EXOC6B: variants seen among roughly 807,000 people sequenced by gnomAD.
EXOC6B encodes exocyst complex component 6B.
EXOC6B carries 54 observed loss-of-function variants against 113.5 expected under a neutral mutation model. That is an observed-to-expected ratio of 0.48 (90% CI 0.38 to 0.60). The LOEUF is 0.60. Ranked by LOEUF, EXOC6B falls within the 20% of genes least tolerant of loss-of-function variation. EXOC6B has a pLI of 0.00. For missense variants in EXOC6B, 797 were observed against 977.5 expected (o/e 0.82, Z 2.46); for synonymous variants, 357 against 339.0 (o/e 1.05, Z -0.58).
chr2:72,540,145 A>C (rs990717799), intron 8 of EXOC6B, among the ~76,000 whole-genome samples: 2 of 151,808 alleles, frequency 1.3e-5, no homozygotes, highest in Non-Finnish European at 2.9e-5. Context: ...TTATGGCTGC[A>C]TAGTATTCCA....
intron 6 of EXOC6B, among the ~76,000 whole-genome samples, chr2:72,622,024 G>C (rs910861403): frequency 1.3e-5 from 2 of 151,440 alleles, no homozygotes; most frequent in Admixed American, 6.6e-5. Flanking sequence ...AATAAGTGAG[G>C]AAAGAAATAA....
intron 6 of EXOC6B, among the ~76,000 whole-genome samples, chr2:72,706,617 T>G (rs1199950596): frequency 6.6e-6 from 1 of 152,190 alleles, no homozygotes; most frequent in Admixed American, 6.5e-5. Flanking sequence ...TGGGTAACTA[T>G]CATCAGCTGA....
intron 20 of EXOC6B, among the ~76,000 whole-genome samples, chr2:72,239,350 T>C (rs1682163608): frequency 6.6e-6 from 1 of 152,184 alleles, no homozygotes; most frequent in Non-Finnish European, 1.5e-5. Flanking sequence ...TTGAGTTAAT[T>C]TTTGTGTGGT....
chr2:72,294,637 T>A (rs10186512), intron 20 of EXOC6B, among the ~76,000 whole-genome samples: 3,604 of 152,230 alleles, frequency 0.024, 152 homozygotes, highest in African/African-American at 0.082. Flanking sequence ...GGATTCTTGG[T>A]CTTGTTTTCT....
chr2:72,688,718 GTCCACCATGA>G (rs1223896110), intron 6 of EXOC6B, among the ~76,000 whole-genome samples: 1 of 152,162 alleles, frequency 6.6e-6, no homozygotes, highest in Non-Finnish European at 1.5e-5. Context: ...CATCTGCTAC[GTCCACCATGA>G]TAACTGAGCT....
intron 6 of EXOC6B, among the ~76,000 whole-genome samples, chr2:72,617,324 C>T (rs1335150943): frequency 6.6e-6 from 1 of 152,074 alleles, no homozygotes; most frequent in Non-Finnish European, 1.5e-5. Context: ...CCTTTTCTCA[C>T]AGCTCCACTA....
intron 18 of EXOC6B, among the ~76,000 whole-genome samples, chr2:72,393,444 A>G (rs1449254769): frequency 1.3e-5 from 2 of 151,952 alleles, no homozygotes; most frequent in Non-Finnish European, 2.9e-5. Flanking sequence ...CCTCTTTGGT[A>G]TCCTGCTTAT....
intron 8 of EXOC6B, among the ~76,000 whole-genome samples, chr2:72,527,807 C>T (rs1340854651): frequency 3.3e-5 from 5 of 151,918 alleles, no homozygotes; most frequent in Admixed American, 2.6e-4. Context: ...TGCTTATATG[C>T]TATCAGTATA....
At chr2:72,316,682 G>A (rs1034803271) in intron 20 of EXOC6B, among the ~76,000 whole-genome samples, 9 of 152,138 alleles carry the variant, frequency 5.9e-5, no homozygotes, top group African/African-American at 9.7e-5. Flanking sequence ...ACCCACTGAG[G>A]GATGGGGAAT....
rs1000703665 is a variant in EXOC6B at position 72,431,400 on chromosome 2, C to G, written c.1980+33760G>C. On this transcript the variant is annotated intron_variant, in intron 18 of 21. Coordinates refer to ENST00000272427, the MANE Select transcript of EXOC6B (RefSeq NM_015189.3). ...AATCACAGCTCACTGCAGCTTTGAACTCTTGGGCTAAAGCAATCTTCCTGT... is the reference window on the plus strand; with the variant it reads ...AATCACAGCTCACTGCAGCTTTGAAGTCTTGGGCTAAAGCAATCTTCCTGT... 4.6e-5 allele frequency among the ~76,000 whole-genome samples: 7 copies of G among 152,084 alleles called. No individual in the cohort carries two copies. In the East Asian group the frequency reaches 1.3e-3, roughly 29 times the overall value.
chr2:72,641,558 G>A (rs935494943), intron 6 of EXOC6B, among the ~76,000 whole-genome samples: 12 of 152,242 alleles, frequency 7.9e-5, no homozygotes, highest in African/African-American at 2.7e-4. Flanking sequence ...AAAGCAGCCA[G>A]GGAAGCTCAA....
intron 8 of EXOC6B, among the ~76,000 whole-genome samples, chr2:72,529,179 G>C (rs190100526): frequency 9.2e-5 from 14 of 152,176 alleles, no homozygotes; most frequent in African/African-American, 3.4e-4. Flanking sequence ...GCTAGCTACG[G>C]GGTTTTGGCA....
At chr2:72,407,254 A>G (rs572332479) in intron 18 of EXOC6B, among the ~76,000 whole-genome samples, 20 of 152,334 alleles carry the variant, frequency 1.3e-4, no homozygotes, top group Non-Finnish European at 2.6e-4. Context: ...GTCCAGGACC[A>G]GAAGGATTCA....
intron 8 of EXOC6B, among the ~76,000 whole-genome samples, chr2:72,528,408 T>G (rs1701838249): frequency 6.6e-6 from 1 of 152,114 alleles, no homozygotes; most frequent in South Asian, 2.1e-4. Context: ...CAGTCTAGAC[T>G]CTGCCAATAC....
At chr2:72,722,058 T>C (rs1281212413) in intron 5 of EXOC6B, 1 of 147,914 alleles carries the variant, frequency 6.8e-6, no homozygotes, top group East Asian at 2.0e-4. Context: ...TTCAAAATTA[T>C]AAATACTTAC....
intron 20 of EXOC6B, among the ~76,000 whole-genome samples, chr2:72,279,191 T>C (rs1684977052): frequency 6.6e-6 from 1 of 152,230 alleles, no homozygotes; most frequent in Non-Finnish European, 1.5e-5. Context: ...CTCTTTAGTA[T>C]TTGAATCAGG....
chr2:72,258,465 G>A (rs1683492559), intron 20 of EXOC6B, among the ~76,000 whole-genome samples: 1 of 148,828 alleles, frequency 6.7e-6, no homozygotes, highest in Admixed American at 6.8e-5. Flanking sequence ...GGGGGCTCAA[G>A]CAGTCCTCTC....
chr2:72,377,536 A>C (rs1691430046), intron 19 of EXOC6B, among the ~76,000 whole-genome samples: 1 of 152,222 alleles, frequency 6.6e-6, no homozygotes, highest in African/African-American at 2.4e-5. Context: ...GACTTTAAAA[A>C]GATGGAAATC....
intron 12 of EXOC6B, among the ~76,000 whole-genome samples, chr2:72,499,557 G>A (rs1356176138): frequency 6.7e-6 from 1 of 149,286 alleles, no homozygotes; most frequent in Non-Finnish European, 1.5e-5. Context: ...TTTTGAGATG[G>A]GTCTCTATCA....
Sources: gnomAD v4.1 joint callset for allele counts (sites outside exome capture counted in the v4.1 genomes callset) on GRCh38, gnomAD v4.1.1 for gene constraint, MANE v1.5 for transcripts, NCBI Gene and HGNC (gene_info 2026-07-23, HGNC 2026-07-21) for gene names.